The following ASXL2 variants were observed in gnomAD, a reference collection of about 807,000 sequenced individuals.
The protein encoded by ASXL2 is ASXL transcriptional regulator 2, also known as putative Polycomb group protein ASXL2.
Under a neutral mutation model 122.0 loss-of-function variants are expected in ASXL2, and 23 were observed. The observed-to-expected ratio is 0.19, with a 90% CI of 0.14 to 0.27. ASXL2 has a LOEUF of 0.27. Ranked by LOEUF, ASXL2 falls within the 10% of genes least tolerant of loss-of-function variation. The pLI, the probability that ASXL2 is intolerant of heterozygous loss-of-function variation, is 1.00. For missense variants in ASXL2, 1,518 were observed against 1,713.8 expected (o/e 0.89, Z 2.02); for synonymous variants, 650 against 637.0 (o/e 1.02, Z -0.31).
Position 25,739,663 on chromosome 2 carries a change from A to T in ASXL2, c.*2366T>A, listed in dbSNP as rs2087795059. On this transcript the variant is annotated 3_prime_UTR_variant, in exon 13 of 13. Coordinates refer to ENST00000435504, the MANE Select transcript of ASXL2 (RefSeq NM_018263.6). ...AGAGCCTGGGTCAAGATGAAGAGGC[A>T]CAATATGGTTTGCTCTCTAAACGGA... 5.0e-6 allele frequency: 1 copy of T among 199,086 alleles called. No individual in the cohort carries two copies. The highest frequency in any genetic ancestry group is 1.0e-5 in the Non-Finnish European group (1 of 96,510). The allele number at this position is 199,086 out of a possible 1,614,324, so 12.3% of individuals were successfully genotyped here. A position where few individuals can be genotyped will look rare whatever the true frequency, so the allele number is the denominator to read the frequency against.
rs1451069424 is a variant in ASXL2 at position 25,738,355 on chromosome 2, G to A, written c.*3674C>T. ...CTCTTTCAATAGGTTTGTAGGTATT[G>A]AAACATGGTAGGAAAGGCCCCTGCC... is the stretch of plus-strand genomic sequence containing the variant. On this transcript the variant is annotated 3_prime_UTR_variant, in exon 13 of 13. Transcript: ENST00000435504. 1 of 152,110 alleles carries A rather than the reference G, an allele frequency of 6.6e-6. No homozygotes were observed. 9.4% of individuals were successfully genotyped at this position (152,110 alleles called of 1,614,324 possible). A position where few individuals can be genotyped will look rare whatever the true frequency, so the allele number is the denominator to read the frequency against.
At chr2:25,779,810 C>T (rs2088605088) in intron 5 of ASXL2, among the ~76,000 whole-genome samples, 1 of 152,056 alleles carries the variant, frequency 6.6e-6, no homozygotes, top group Non-Finnish European at 1.5e-5. Context: ...CTTGTTTGTC[C>T]TTTCATTTTT....
At chr2:25,844,105 ACT>A (rs1480502022) in intron 2 of ASXL2, among the ~76,000 whole-genome samples, 1 of 151,924 alleles carries the variant, frequency 6.6e-6, no homozygotes, top group East Asian at 1.9e-4. Context: ...AAAATTCTAA[ACT>A]CTTTCTCCAA....
chr2:25,770,349 C>T (rs569589706), intron 6 of ASXL2, among the ~76,000 whole-genome samples: 2 of 152,286 alleles, frequency 1.3e-5, no homozygotes, highest in South Asian at 2.1e-4. Flanking sequence ...GCTGGGATTA[C>T]AGGAGGTCTC....
rs2089762096 is a variant in ASXL2, at chr2:25,855,184, G to C, written c.58-9621C>G. 3.3e-5 allele frequency among the ~76,000 whole-genome samples: 5 copies of C among 152,168 alleles called. No homozygotes were observed. In the South Asian group the frequency reaches 1.0e-3, roughly 32 times the overall value. On this transcript the variant is annotated intron_variant, in intron 1 of 12. Transcript: ENST00000435504. Reference sequence around the variant, plus strand: ...GGTAATATTAAATTCTTCAAGAGTTGAATCAGACAGGCACATACACACTAA... The same window carrying C: ...GGTAATATTAAATTCTTCAAGAGTTCAATCAGACAGGCACATACACACTAA...
intron 8 of ASXL2, among the ~76,000 whole-genome samples, chr2:25,767,112 T>C (rs11897652): frequency 0.67 from 101,868 of 151,968 alleles, 35,878 homozygotes; most frequent in Non-Finnish European, 0.8. Flanking sequence ...TTTGTATTTC[T>C]ATATTATCAT....
intron 3 of ASXL2, among the ~76,000 whole-genome samples, chr2:25,820,581 G>C (rs1481266318): frequency 6.6e-6 from 1 of 152,212 alleles, no homozygotes; most frequent in Admixed American, 6.5e-5. Context: ...ACAGAAAGTA[G>C]ATTACAGGCT....
intron 8 of ASXL2, 118 bp from the exon 9 acceptor site, chr2:25,759,763 C>G (rs1224909323): frequency 1.1e-5 from 11 of 1,034,224 alleles, no homozygotes; most frequent in Non-Finnish European, 1.4e-5. Context: ...TATCACACTA[C>G]GAAGAAGGTA....
intron 1 of ASXL2, among the ~76,000 whole-genome samples, chr2:25,877,490 G>C (rs543696386): frequency 2.0e-5 from 3 of 152,176 alleles, no homozygotes; most frequent in Non-Finnish European, 4.4e-5. Context: ...CGTGAAGGCC[G>C]GGTAAACTAC....
At chr2:25,756,476 GA>G (rs796246064) in intron 9 of ASXL2, among the ~76,000 whole-genome samples, 353 of 104,334 alleles carry the variant, frequency 3.4e-3, no homozygotes, top group African/African-American at 0.01. Context: ...AAAAAAAAAA[GA>G]AAAAAAAAAA....
chr2:25,746,882 C>G (rs1416812969), intron 12 of ASXL2, among the ~76,000 whole-genome samples: 4 of 152,116 alleles, frequency 2.6e-5, no homozygotes, highest in Admixed American at 2.6e-4. Flanking sequence ...GAGATTCAAT[C>G]CTTTTCTTTT....
chr2:25,748,180 G>A (rs1340825883), intron 12 of ASXL2, among the ~76,000 whole-genome samples: 3 of 146,474 alleles, frequency 2.0e-5, no homozygotes, highest in Non-Finnish European at 4.5e-5. Flanking sequence ...TCCATCTTGG[G>A]GGGCAAAAAA....
intron 1 of ASXL2, among the ~76,000 whole-genome samples, chr2:25,857,242 C>T (rs1422798313): frequency 6.6e-6 from 1 of 151,948 alleles, no homozygotes. Context: ...AAAAGCACAC[C>T]CTATTCTTGA....
At chr2:25,856,412 G>A in intron 1 of ASXL2, 1 of 636,030 alleles carries the variant, frequency 1.6e-6, no homozygotes. Flanking sequence ...CAGGAAGCAG[G>A]TCTGGAAGAC....
chr2:25,735,851 T>C lies in ASXL2; in HGVS notation c.*6178A>G, dbSNP rs890557647. 20 of 152,330 alleles carry C rather than the reference T, an allele frequency of 1.3e-4. No homozygotes were observed. Among genetic ancestry groups the C allele is most frequent in the Admixed American group, 9.2e-4 (14 of 15,290 alleles). 9.4% of individuals were successfully genotyped at this position (152,330 alleles called of 1,614,324 possible). On this transcript the variant is annotated 3_prime_UTR_variant, in exon 13 of 13. Coordinates refer to ENST00000435504, the MANE Select transcript of ASXL2 (RefSeq NM_018263.6). ...ACTTTTTTCATCTAGGGACCTTCTT[T>C]CTTCATGTATTTGCCACTACTGTGT...
At chr2:25,836,925 C>T (rs1002786570) in intron 2 of ASXL2, among the ~76,000 whole-genome samples, 10 of 152,026 alleles carry the variant, frequency 6.6e-5, no homozygotes, top group African/African-American at 2.4e-4. Flanking sequence ...AATGGAAAGA[C>T]AAGAAAAACT....
intron 3 of ASXL2, among the ~76,000 whole-genome samples, chr2:25,827,600 T>C (rs2089393125): frequency 6.6e-6 from 1 of 152,216 alleles, no homozygotes; most frequent in Admixed American, 6.5e-5. Context: ...GCTTTTAACT[T>C]TGATTTAAAA....
chr2:25,855,482 A>G (rs1239048946), intron 1 of ASXL2, among the ~76,000 whole-genome samples: 1 of 152,170 alleles, frequency 6.6e-6, no homozygotes, highest in East Asian at 1.9e-4. Flanking sequence ...TAGCCTGGCC[A>G]ACATGCCAAA....
intron 1 of ASXL2, among the ~76,000 whole-genome samples, chr2:25,857,805 T>G (rs2089798717): frequency 6.6e-6 from 1 of 152,214 alleles, no homozygotes; most frequent in Non-Finnish European, 1.5e-5. Context: ...TACCATGTTG[T>G]CCATCTTTCA....
Sources: gnomAD v4.1 joint callset for allele counts (sites outside exome capture counted in the v4.1 genomes callset) on GRCh38, gnomAD v4.1.1 for gene constraint, MANE v1.5 for transcripts, NCBI Gene and HGNC (gene_info 2026-07-23, HGNC 2026-07-21) for gene names.